Variants in ALB observed in about 807,000 individuals in gnomAD.
ALB encodes albumin.
In ALB, 37 loss-of-function variants were observed where a neutral mutation model predicts 74.5. The ratio of observed to expected loss-of-function variants is 0.50; its 90% CI spans 0.38 to 0.65. The LOEUF is 0.65. ALB is among the 30% of genes least tolerant of loss of function. ALB has a pLI of 0.00. For synonymous variants in ALB, 249 were observed against 251.6 expected, an observed-to-expected ratio of 0.99 and a Z score of 0.10; for missense variants, 685 against 718.7, an observed-to-expected ratio of 0.95 and a Z score of 0.54.
chr4:73,418,229 A>C lies in ALB; in HGVS notation c.1570A>C (p.Lys524Gln), dbSNP rs1456083029. 1.2e-6 allele frequency: 2 copies of C among 1,614,026 alleles called. No individual in the cohort carries two copies. Among genetic ancestry groups the C allele is most frequent in the African/African-American group, 2.7e-5 (2 of 74,922 alleles). Residue 524 changes from lysine to glutamine, a missense_variant, in exon 12 of 15, where the codon AAA (lysine) becomes CAA (glutamine). Coordinates refer to ENST00000295897, the MANE Select transcript of ALB (RefSeq NM_000477.7). ...GGAAGTCGATGAAACATACGTTCCC[A>C]AAGAGTTTAATGCTGAAACATTCAC... ...ALEVDETYVP[K>Q]EFNAETFTFH... is the part of the protein sequence containing the mutation.
rs760686684 is a variant in ALB, at chr4:73,415,059, G to A, written c.1083G>A (p.Arg361=). The change falls in exon 9 of 15, where the codon AGG becomes AGA. Residue 361 remains arginine, a synonymous_variant. Coordinates refer to ENST00000295897, the MANE Select transcript of ALB (RefSeq NM_000477.7). ...GGTTTTTGTATGAATATGCAAGAAG[G>A]CATCCTGATTACTCTGTCGTGCTGC... The part of the protein sequence containing the change: ...LGMFLYEYAR[R]HPDYSVVLLL... 1.9e-6 allele frequency: 3 copies of A among 1,614,000 alleles called. No homozygotes were observed. The highest frequency in any genetic ancestry group is 1.6e-4 in the Middle Eastern group (1 of 6,062).
At chr4:73,405,611 G>T (rs1718700287) in intron 2 of ALB, among the ~76,000 whole-genome samples, 1 of 149,536 alleles carries the variant, frequency 6.7e-6, no homozygotes, top group Non-Finnish European at 1.5e-5. Context: ...TTTTTTTTAA[G>T]ACAGGGTCTC....
At chr4:73,414,976 T>C in intron 8 of ALB, 59 bp from the exon 9 acceptor site, 2 of 1,588,424 alleles carry the variant, frequency 1.3e-6, no homozygotes, top group Non-Finnish European at 1.7e-6. Context: ...AGATTAGCTT[T>C]GTGATATTTT....
intron 2 of ALB, 147 bp from the exon 3 acceptor site, chr4:73,406,482 C>A: frequency 1.3e-6 from 1 of 790,916 alleles, no homozygotes; most frequent in Non-Finnish European, 2.1e-6. Flanking sequence ...TCAGATCATA[C>A]CTGATATGAA....
At chr4:73,410,786 C>G (rs1413307806) in intron 6 of ALB, among the ~76,000 whole-genome samples, 2 of 152,020 alleles carry the variant, frequency 1.3e-5, no homozygotes, top group East Asian at 3.8e-4. Context: ...TTTGTGGATA[C>G]AGAGTAGGTA....
At chr4:73,419,950 A>G (rs1719105330) in intron 13 of ALB, among the ~76,000 whole-genome samples, 1 of 152,196 alleles carries the variant, frequency 6.6e-6, no homozygotes, top group Non-Finnish European at 1.5e-5. Context: ...ATTTATTTAA[A>G]CATTTACTTG....
chr4:73,420,742 G>A (rs1719122298), intron 14 of ALB: 1 of 284,070 alleles, frequency 3.5e-6, no homozygotes, highest in African/African-American at 2.2e-5. Flanking sequence ...TTGAATATCA[G>A]TGATTTCACA....
At chr4:73,406,926 A>G (rs1718745243) in intron 3 of ALB, among the ~76,000 whole-genome samples, 165 bp downstream of exon 3, 1 of 152,192 alleles carries the variant, frequency 6.6e-6, no homozygotes, top group Admixed American at 6.5e-5. Flanking sequence ...CTTTTGTGAT[A>G]GAGATGCTTT....
rs200401551 is a variant in ALB, at chr4:73,419,580, G to A, written c.1726G>A (p.Ala576Thr). ...EQLKAVMDDF[A>T]AFVEKCCKAD... ...ACTGAAAGCTGTTATGGATGATTTC[G>A]CAGCTTTTGTAGAGAAGTGCTGCAA... Residue 576 changes from alanine to threonine, a missense_variant, in exon 13 of 15, where the codon GCA (alanine) becomes ACA (threonine). By Grantham distance (58) the Ala-to-Thr change is moderately conservative. Transcript: ENST00000295897. 39 of 1,613,630 alleles carry A rather than the reference G, an allele frequency of 2.4e-5. No homozygotes were observed. The East Asian group carries it at 3.1e-4, about 13-fold the overall frequency.
chr4:73,419,627 C>T lies in ALB; in HGVS notation c.1773C>T (p.Cys591=). 6.2e-7 allele frequency: 1 copy of T among 1,614,012 alleles called. No homozygotes were observed. Among genetic ancestry groups the T allele is most frequent in the Non-Finnish European group, 8.5e-7 (1 of 1,179,952 alleles). The change falls in exon 13 of 15, where the codon TGC becomes TGT. Residue 591 remains cysteine, a synonymous_variant. Transcript: ENST00000295897. ...KCCKADDKET[C]FAEEGKKLVA... Reference sequence around the variant, plus strand: ...GCAAGGCTGACGATAAGGAGACCTGCTTTGCCGAGGAGGTACTACAGTTCT... The same window carrying T: ...GCAAGGCTGACGATAAGGAGACCTGTTTTGCCGAGGAGGTACTACAGTTCT...
rs149795719 is a variant in ALB, at chr4:73,418,090, A to G, written c.1431A>G (p.Leu477=). The G allele has an allele frequency of 6.8e-6, 11 of 1,614,012 alleles. No individual in the cohort carries two copies. The highest frequency in any genetic ancestry group is 4.0e-5 in the African/African-American group (3 of 75,036). Residue 477 remains leucine, a splice_region_variant and synonymous_variant, in exon 12 of 15, where the codon CTA becomes CTG. Transcript: ENST00000295897. ...CTGCTCTCCTGCCTGTTCTTTAGCT[A>G]TCCGTGGTCCTGAACCAGTTATGTG... ...AKRMPCAEDY[L]SVVLNQLCVL... is the part of the protein sequence containing the mutation.
In ALB at chr4:73,404,401, A is replaced by T. The variant is rs75353611; in HGVS notation, c.74A>T (p.Asp25Val). The T allele has an allele frequency of 6.2e-7, 1 of 1,611,806 alleles. No individual in the cohort carries two copies. Among genetic ancestry groups the T allele is most frequent in the Non-Finnish European group, 8.5e-7 (1 of 1,178,054 alleles). The part of the protein sequence containing the change: ...SAYSRGVFRR[D>V]AHKSEVAHRF... ...TATTCCAGGGGTGTGTTTCGTCGAG[A>T]TGCACGTAAGAAATCCATTTTTCTA... Residue 25 changes from aspartate (D) to valine (V), a missense_variant, in exon 1 of 15, where the codon GAT becomes GTT. Asp to Val is a radical substitution (Grantham distance 152). Coordinates refer to ENST00000295897, the MANE Select transcript of ALB (RefSeq NM_000477.7).
At chr4:73,412,896 T>C (rs1441667561) in intron 7 of ALB, among the ~76,000 whole-genome samples, 1 of 152,230 alleles carries the variant, frequency 6.6e-6, no homozygotes, top group Non-Finnish European at 1.5e-5. Flanking sequence ...ATCTCTTTTC[T>C]CAAAACTTAT....
intron 3 of ALB, 84 bp downstream of exon 3, chr4:73,406,845 C>T: frequency 6.6e-7 from 1 of 1,505,134 alleles, no homozygotes; most frequent in Non-Finnish European, 9.1e-7. Context: ...TAAGTTTTCT[C>T]AATTATTATT....
chr4:73,408,193 G>A (rs577494109), intron 3 of ALB, among the ~76,000 whole-genome samples: 2 of 152,056 alleles, frequency 1.3e-5, no homozygotes, highest in Admixed American at 6.6e-5. Flanking sequence ...CTCTAAAAAG[G>A]GGGCAAATGA....
chr4:73,419,418 A>G, intron 12 of ALB, 89 bp from the exon 13 acceptor site: 1 of 1,409,984 alleles, frequency 7.1e-7, no homozygotes, highest in Non-Finnish European at 9.6e-7. Flanking sequence ...ATCTTAAATG[A>G]TGGGACTACC....
In ALB at chr4:73,420,787, T is replaced by C. The variant is rs1560385784; in HGVS notation, c.*24-305T>C. The C allele has an allele frequency of 9.5e-6, 3 of 314,580 alleles. No individual in the cohort carries two copies. In the East Asian group the frequency reaches 1.8e-4, roughly 19 times the overall value. The allele number at this position is 314,580 out of a possible 1,614,324, so 19.5% of individuals were successfully genotyped here. A position where few individuals can be genotyped will look rare whatever the true frequency, so the allele number is the denominator to read the frequency against. On this transcript the variant is annotated intron_variant, in intron 14 of 14. Coordinates refer to ENST00000295897, the MANE Select transcript of ALB (RefSeq NM_000477.7). ...CTAATAGTTCAACTCATCCTTTCCA[T>C]TGGAGAATATGATGGATCTACCTTC...
intron 8 of ALB, 141 bp downstream of exon 8, chr4:73,413,775 A>G: frequency 1.2e-6 from 1 of 805,208 alleles, no homozygotes; most frequent in Non-Finnish European, 2.0e-6. Flanking sequence ...CCAGGCTTTA[A>G]CAATTTTTGA....
chr4:73,417,450 T>G, intron 10 of ALB, 81 bp from the exon 11 acceptor site: 1 of 1,529,400 alleles, frequency 6.5e-7, no homozygotes, highest in Non-Finnish European at 9.1e-7. Flanking sequence ...CTTAGTTGAT[T>G]CCGGCCAAGT....
Sources: allele counts gnomAD v4.1 joint callset (sites outside exome capture counted in the v4.1 genomes callset), GRCh38; gene constraint gnomAD v4.1.1; transcripts MANE v1.5; gene names NCBI Gene and HGNC (gene_info 2026-07-23, HGNC 2026-07-21).